Variants in ANO7 observed in about 807,000 individuals in gnomAD.
ANO7 encodes the protein anoctamin 7.
ANO7 carries 114 observed loss-of-function variants against 115.8 expected under a neutral mutation model. The ratio of observed to expected loss-of-function variants is 0.98; its 90% CI spans 0.85 to 1.15. The LOEUF is 1.15. Among genes scored for constraint, ANO7 ranks in the 50% most tolerant of loss-of-function variants. The pLI is 0.00. For missense variants in ANO7, 1,302 were observed against 1,201.2 expected (o/e 1.08, Z -1.24); for synonymous variants, 550 against 498.2 (o/e 1.10, Z -1.38).
At chr2:241,218,449 G>T in intron 21 of ANO7, 68 bp downstream of exon 21, 2 of 1,231,002 alleles carry the variant, frequency 1.6e-6, no homozygotes, top group Non-Finnish European at 2.0e-6. Flanking sequence ...GCTCGGGTGG[G>T]GTGGGGGTGC....
Position 241,203,367 on chromosome 2 carries a change from C to T in ANO7, c.758C>T (p.Ala253Val), listed in dbSNP as rs1179329707. The T allele has an allele frequency of 6.3e-7, 1 of 1,594,372 alleles. No individual in the cohort carries two copies. Among genetic ancestry groups the T allele is most frequent in the African/African-American group, 1.4e-5 (1 of 73,824 alleles). Residue 253 changes from alanine (A) to valine (V), a missense_variant, in exon 9 of 25, where the codon GCT becomes GTT. Physicochemically the swap from Ala to Val is moderately conservative, Grantham distance 64. Coordinates refer to ENST00000674324, the MANE Select transcript of ANO7 (RefSeq NM_001370694.2). The surrounding 1 kb of genome is among the most constrained non-coding windows in gnomAD (Gnocchi z 4.8). ...PFKTPPEGPQAPRLNQRQVLF... is the reference protein window; with the variant it reads ...PFKTPPEGPQVPRLNQRQVLF... ...AAGACGCCCCCAGAGGGCCCGCAGG[C>T]TCCACGCCTCAACCAGCGCCAAGTC...
intron 11 of ANO7, 151 bp from the exon 12 acceptor site, chr2:241,209,134 G>T: frequency 1.0e-6 from 1 of 1,003,442 alleles, no homozygotes; most frequent in Non-Finnish European, 1.4e-6. Flanking sequence ...GGGTGACAGA[G>T]CCAGACTCCG....
intron 11 of ANO7, among the ~76,000 whole-genome samples, chr2:241,208,089 G>A (rs372815370): frequency 3.9e-4 from 59 of 152,202 alleles, no homozygotes; most frequent in African/African-American, 1.3e-3. Flanking sequence ...CCCCCCTCCC[G>A]CCTGGCATGC....
chr2:241,228,535 C>T (rs1036528242), downstream of ANO7: 9 of 152,436 alleles, frequency 5.9e-5, no homozygotes, highest in Non-Finnish European at 7.3e-5. Context: ...GGCCACTGAC[C>T]CACCTGTGCT....
chr2:241,238,924 C>A, the ANO7 span: 1 of 632,492 alleles, frequency 1.6e-6, no homozygotes, highest in Admixed American at 2.9e-5. The surrounding 1 kb of genome is among the most constrained non-coding windows in gnomAD (Gnocchi z 4.9). Flanking sequence ...TCTCCCGAGT[C>A]CAGGGCTCCA....
rs767282674 is a variant in ANO7, at chr2:241,223,168, G to GT, written c.2322-17dup. ...ACTCAGCCCTGGCTGCGCGCACTGA[G>GT]TCCTGTGTCTGCTGCAGGTATCGGG... On this transcript the variant is annotated splice_polypyrimidine_tract_variant and intron_variant, in intron 21 of 24. Coordinates refer to ENST00000674324, the MANE Select transcript of ANO7 (RefSeq NM_001370694.2). 113 of 1,612,750 alleles carry GT rather than the reference G, an allele frequency of 7.0e-5. No homozygotes were observed. In the Middle Eastern group the frequency reaches 8.2e-4, roughly 12 times the overall value.
chr2:241,220,753 T>C (rs2068992403), intron 21 of ANO7, among the ~76,000 whole-genome samples: 1 of 152,220 alleles, frequency 6.6e-6, no homozygotes, highest in Non-Finnish European at 1.5e-5. Flanking sequence ...TGAGCCGAGA[T>C]TGTGCCACTG....
In ANO7 at chr2:241,200,184, C is replaced by T. The variant is rs1245273144; in HGVS notation, c.513C>T (p.Pro171=). The T allele has an allele frequency of 3.0e-5, 49 of 1,613,174 alleles. No homozygotes were observed. The highest frequency in any genetic ancestry group is 3.9e-5 in the Non-Finnish European group (46 of 1,179,984). The change falls in exon 6 of 25, where the codon CCC becomes CCT. Residue 171 remains proline, a synonymous_variant. Coordinates refer to ENST00000674324, the MANE Select transcript of ANO7 (RefSeq NM_001370694.2). The part of the protein sequence containing the change: ...VLLEVVPDVP[P]EYYSCRFRVN... Reference sequence around the variant, plus strand: ...TGGAGGTTGTGCCAGACGTACCCCCCGAGTACTACTCCTGCCGGTTCAGAG... The same window carrying T: ...TGGAGGTTGTGCCAGACGTACCCCCTGAGTACTACTCCTGCCGGTTCAGAG...
downstream of ANO7, chr2:241,229,415 G>A (rs1244202703): frequency 1.8e-6 from 1 of 553,532 alleles, no homozygotes; most frequent in African/African-American, 1.9e-5. Context: ...GTCCTGAGCG[G>A]GCACGGCCAG....
At chr2:241,197,091 T>G (rs1000840902) in intron 4 of ANO7, among the ~76,000 whole-genome samples, 7 of 152,206 alleles carry the variant, frequency 4.6e-5, no homozygotes, top group Non-Finnish European at 1.0e-4. Flanking sequence ...CACCGTGGTT[T>G]GTGTGCTTGT....
rs555057490 is a variant in ANO7 at position 241,203,164 on chromosome 2, C to T, written c.724-169C>T. Among the ~76,000 whole-genome samples the T allele has an allele frequency of 4.3e-4, 66 of 152,248 alleles. 1 individual carries two copies. Among genetic ancestry groups the T allele is most frequent in the Admixed American group, 3.4e-3 (52 of 15,302 alleles). On this transcript the variant is annotated intron_variant, in intron 8 of 24. Coordinates refer to ENST00000674324, the MANE Select transcript of ANO7 (RefSeq NM_001370694.2). The surrounding 1 kb of genome is among the most constrained non-coding windows in gnomAD (Gnocchi z 4.8). Reference sequence around the variant, plus strand: ...TGTCCCCTCCTCAGAGAGGTCCTCCCGGACCACCCTGTACCCACCCCTCCA... The same window carrying T: ...TGTCCCCTCCTCAGAGAGGTCCTCCTGGACCACCCTGTACCCACCCCTCCA...
chr2:241,196,899 G>T (rs926108549), intron 4 of ANO7, among the ~76,000 whole-genome samples: 1 of 151,812 alleles, frequency 6.6e-6, no homozygotes, highest in African/African-American at 2.4e-5. Flanking sequence ...GTGCCTGTGT[G>T]CAGGGACTTC....
At position 241,207,620 on chromosome 2, in the gene ANO7, T is replaced by G; in HGVS notation, c.1027T>G (p.Cys343Gly). ...SKDSFEMCPL[C>G]LDCPFWLLSS... ...GGACAGCTTCGAGATGTGCCCACTTTGCCTCGACTGCCCTTTCTGGCTGCT... is the reference window on the plus strand; with the variant it reads ...GGACAGCTTCGAGATGTGCCCACTTGGCCTCGACTGCCCTTTCTGGCTGCT... Residue 343 changes from cysteine to glycine, a missense_variant, in exon 11 of 25, where the codon TGC (cysteine) becomes GGC (glycine). Cys to Gly is a radical substitution (Grantham distance 159). Coordinates refer to ENST00000674324, the MANE Select transcript of ANO7 (RefSeq NM_001370694.2). The G allele has an allele frequency of 6.2e-7, 1 of 1,613,916 alleles. No individual in the cohort carries two copies. Among genetic ancestry groups the G allele is most frequent in the Non-Finnish European group, 8.5e-7 (1 of 1,179,990 alleles).
At chr2:241,191,828 C>T (rs534703002) in intron 3 of ANO7, among the ~76,000 whole-genome samples, 21 of 152,092 alleles carry the variant, frequency 1.4e-4, no homozygotes, top group Admixed American at 3.9e-4. Context: ...CTCACTTGTG[C>T]ATTGCTGGAG....
chr2:241,234,976 G>A, the ANO7 span: 1 of 914,816 alleles, frequency 1.1e-6, no homozygotes, highest in Non-Finnish European at 1.6e-6. Context: ...CCTGGATGCT[G>A]ACTGCGTCCT....
At chr2:241,219,185 G>A (rs1401986697) in intron 21 of ANO7, among the ~76,000 whole-genome samples, 14 of 152,216 alleles carry the variant, frequency 9.2e-5, no homozygotes, top group Admixed American at 9.2e-4. Flanking sequence ...TTTGTGATCT[G>A]GTTACAATGA....
chr2:241,209,692 G>A (rs1472188998), intron 13 of ANO7, 57 bp downstream of exon 13: 1 of 1,491,896 alleles, frequency 6.7e-7, no homozygotes, highest in African/African-American at 1.4e-5. Flanking sequence ...CATGTGGGGT[G>A]GTTTTGTCCC....
At position 241,209,287 on chromosome 2, in the gene ANO7, C is replaced by T. The variant is rs771784097; in HGVS notation, c.1080C>T (p.Ala360=). ...LLSSACALAQ[A]GRLFDHGGTV... ...GACGCCCCCGCTCCCTGCCACAGGC[C>T]GGCCGGCTGTTCGACCACGGCGGCA... The change falls in exon 12 of 25, where the codon GCC becomes GCT. Residue 360 remains alanine, a splice_region_variant and synonymous_variant. Transcript: ENST00000674324. 86 of 1,552,112 alleles carry T rather than the reference C, an allele frequency of 5.5e-5. 1 individual carries two copies. The highest frequency in any genetic ancestry group is 6.4e-5 in the Non-Finnish European group (73 of 1,148,764).
rs1393824382 is a variant in ANO7 at position 241,224,632 on chromosome 2, C to CACCCACATGCCCCAGCTCT, written c.*480_*498dup. The stretch of plus-strand genomic sequence containing the variant: ...TCCTGCCCTGTTTGCGCAGGGACAT[C>CACCCACATGCCCCAGCTCT]ACCCACATGCCCCAGCTCTCGGACC... On this transcript the variant is annotated 3_prime_UTR_variant, in exon 25 of 25. Transcript: ENST00000674324. 1 of 161,488 alleles carries CACCCACATGCCCCAGCTCT rather than the reference C, an allele frequency of 6.2e-6. No homozygotes were observed. Among genetic ancestry groups the CACCCACATGCCCCAGCTCT allele is most frequent in the Non-Finnish European group, 1.4e-5 (1 of 73,522 alleles). The allele number at this position is 161,488 out of a possible 1,614,324, so 10.0% of individuals were successfully genotyped here.
Sources: allele counts gnomAD v4.1 joint callset (sites outside exome capture counted in the v4.1 genomes callset), GRCh38; gene constraint gnomAD v4.1.1; non-coding constraint Gnocchi (gnomAD v3.1); transcripts MANE v1.5; gene names NCBI Gene and HGNC (gene_info 2026-07-23, HGNC 2026-07-21).